Variants in SBF2 observed in about 807,000 individuals in gnomAD.
SBF2 encodes the protein SET binding factor 2.
A neutral mutation model predicts 225.2 loss-of-function variants in SBF2; 112 were observed. The ratio of observed to expected loss-of-function variants is 0.50; its 90% CI spans 0.43 to 0.58. SBF2 has a LOEUF of 0.58. SBF2 is among the 20% of genes least tolerant of loss of function. The pLI, the probability that SBF2 is intolerant of heterozygous loss-of-function variation, is 0.00. For missense variants in SBF2, 1,996 were observed against 2,206.2 expected (o/e 0.90, Z 1.91); for synonymous variants, 763 against 773.3 (o/e 0.99, Z 0.22).
intron 2 of SBF2, among the ~76,000 whole-genome samples, chr11:10,185,470 TA>T (rs1477026356): frequency 2.0e-5 from 3 of 152,196 alleles, no homozygotes; most frequent in Non-Finnish European, 4.4e-5. Flanking sequence ...GGGCTTTTTT[TA>T]GAGTTGGAAT....
At chr11:10,091,688 A>T (rs1224335186) in intron 2 of SBF2, among the ~76,000 whole-genome samples, 1 of 152,174 alleles carries the variant, frequency 6.6e-6, no homozygotes, top group Non-Finnish European at 1.5e-5. Context: ...CACTCCAAAA[A>T]GTATTGGCAT....
intron 2 of SBF2, among the ~76,000 whole-genome samples, chr11:10,140,750 G>T (rs895922965): frequency 6.6e-6 from 1 of 152,102 alleles, no homozygotes; most frequent in Non-Finnish European, 1.5e-5. Flanking sequence ...GAGCAGTCTT[G>T]TGGGACTGAG....
chr11:9,926,569 G>C (rs1864071611), intron 16 of SBF2, among the ~76,000 whole-genome samples: 2 of 152,086 alleles, frequency 1.3e-5, no homozygotes, highest in African/African-American at 2.4e-5. Context: ...ATAGAAGTTA[G>C]AAAGCATTAA....
At chr11:9,892,645 C>T (rs1033517654) in intron 17 of SBF2, among the ~76,000 whole-genome samples, 21 of 151,770 alleles carry the variant, frequency 1.4e-4, no homozygotes, top group African/African-American at 4.1e-4. Flanking sequence ...TGGCAACCTC[C>T]GCCTCCAAGG....
chr11:10,281,131 T>C lies in SBF2; in HGVS notation c.55+12884A>G, dbSNP rs1165739865. On this transcript the variant is annotated intron_variant, in intron 1 of 39. Coordinates refer to ENST00000256190, the MANE Select transcript of SBF2 (RefSeq NM_030962.4). ...AAACATGTAAGATTATAGCCTTTCA[T>C]GTCAAAATAAATAAATAATTTAAAA... Among the ~76,000 whole-genome samples the C allele has an allele frequency of 2.6e-5, 4 of 152,288 alleles. No homozygotes were observed. The East Asian group carries it at 7.7e-4, about 29-fold the overall frequency.
chr11:9,975,348 T>C (rs61877008), intron 13 of SBF2, among the ~76,000 whole-genome samples: 7,996 of 152,206 alleles, frequency 0.053, 337 homozygotes, highest in Non-Finnish European at 0.073. Context: ...AGCAACATGA[T>C]TGAATCTGAA....
intron 28 of SBF2, among the ~76,000 whole-genome samples, chr11:9,823,068 T>C (rs1463814729): frequency 6.6e-6 from 1 of 152,202 alleles, no homozygotes; most frequent in Non-Finnish European, 1.5e-5. Flanking sequence ...TTCTCAAATA[T>C]ACCCAGCTAT....
chr11:9,856,427 G>A (rs773934576), intron 19 of SBF2, 31 bp downstream of exon 19: 5 of 1,612,722 alleles, frequency 3.1e-6, no homozygotes, highest in African/African-American at 1.3e-5. Flanking sequence ...AGAAGAGTAG[G>A]AGGAGGGTCT....
At chr11:10,092,472 T>G (rs1951822792) in intron 2 of SBF2, among the ~76,000 whole-genome samples, 1 of 152,214 alleles carries the variant, frequency 6.6e-6, no homozygotes, top group South Asian at 2.1e-4. Context: ...AAACTTTGAC[T>G]TGCCTAAGAC....
intron 38 of SBF2, chr11:9,783,191 C>CT (rs1289349972): frequency 1.3e-5 from 2 of 152,156 alleles, no homozygotes; most frequent in Non-Finnish European, 2.9e-5. Flanking sequence ...CTTAATGGAA[C>CT]TTTTTTACAC....
chr11:9,802,495 A>G (rs368452780), intron 32 of SBF2, among the ~76,000 whole-genome samples: 187 of 152,362 alleles, frequency 1.2e-3, no homozygotes, highest in Non-Finnish European at 1.7e-3. Flanking sequence ...TTGGCATTCA[A>G]TGTTAGAAAT....
At chr11:9,803,471 T>TC (rs970682210) in intron 32 of SBF2, among the ~76,000 whole-genome samples, 9 of 151,266 alleles carry the variant, frequency 5.9e-5, no homozygotes, top group Non-Finnish European at 1.0e-4. Flanking sequence ...CTCCCACTCC[T>TC]CCCCCCCAGC....
rs764956946 is a variant in SBF2 at position 9,829,500 on chromosome 11, T to G, written c.3653-4A>C. On this transcript the variant is annotated splice_polypyrimidine_tract_variant and splice_region_variant and intron_variant, in intron 27 of 39. Coordinates refer to ENST00000256190, the MANE Select transcript of SBF2 (RefSeq NM_030962.4). The stretch of plus-strand genomic sequence containing the variant: ...GATTCTAAAGAGGAGGTAGGAGCTA[T>G]AAAAGGAAAATATATTGAATAAAAT... The G allele has an allele frequency of 1.9e-6, 3 of 1,600,722 alleles. No homozygotes were observed.
At chr11:10,022,673 AT>A (rs918639642) in intron 6 of SBF2, among the ~76,000 whole-genome samples, 4 of 151,256 alleles carry the variant, frequency 2.6e-5, no homozygotes, top group African/African-American at 7.3e-5. Flanking sequence ...CACTTTCCTG[AT>A]TTTTTTCTAT....
At position 9,858,298 on chromosome 11, in the gene SBF2, T is replaced by C. The variant is rs756023804; in HGVS notation, c.2028A>G (p.Ala676=). 1.2e-6 allele frequency: 2 copies of C among 1,614,198 alleles called. No individual in the cohort carries two copies. Among genetic ancestry groups the C allele is most frequent in the Middle Eastern group, 1.6e-4 (1 of 6,062 alleles). The change falls in exon 18 of 40, where the codon GCA becomes GCG. Residue 676 remains alanine (A), a synonymous_variant. Transcript: ENST00000256190. ...AAAGGGAGCGAACCTGTTCCTGCAC[T>C]GCATTGTAAAAGGTTGTCTCCCAAA... is the stretch of plus-strand genomic sequence containing the variant. The part of the protein sequence containing the change: ...QQFWETTFYN[A]VQEQVRSLYL...
intron 16 of SBF2, among the ~76,000 whole-genome samples, chr11:9,913,914 C>T (rs1014596806): frequency 1.3e-5 from 2 of 152,200 alleles, no homozygotes; most frequent in African/African-American, 2.4e-5. Context: ...GTTGCCCAGG[C>T]AGGTTTCTAA....
At chr11:10,235,934 G>A (rs1959054985) in intron 1 of SBF2, among the ~76,000 whole-genome samples, 1 of 152,108 alleles carries the variant, frequency 6.6e-6, no homozygotes, top group South Asian at 2.1e-4. Flanking sequence ...AGCCAGGTGT[G>A]GTGATTTGTG....
At chr11:9,909,669 CAAAAAA>C (rs10595029) in intron 16 of SBF2, among the ~76,000 whole-genome samples, 2 of 123,120 alleles carry the variant, frequency 1.6e-5, no homozygotes, top group African/African-American at 3.0e-5. Flanking sequence ...GACTCTGTCT[CAAAAAA>C]AAAAAAAAAA....
In SBF2 at chr11:9,850,153, C is replaced by T; in HGVS notation, c.2676G>A (p.Leu892=). 6.2e-7 allele frequency: 1 copy of T among 1,614,098 alleles called. No homozygotes were observed. Among genetic ancestry groups the T allele is most frequent in the Non-Finnish European group, 8.5e-7 (1 of 1,180,014 alleles). ...EEIVCEGLRV[L]LDPDGREEAT... ...CTTCTTCTCTTCCATCAGGATCCAG[C>T]AAGACTCGAAGACCCTCACAGACAA... The change falls in exon 22 of 40, where the codon TTG becomes TTA. Residue 892 remains leucine (L), a synonymous_variant. Transcript: ENST00000256190.
Sources: allele counts gnomAD v4.1 joint callset (sites outside exome capture counted in the v4.1 genomes callset), GRCh38; gene constraint gnomAD v4.1.1; transcripts MANE v1.5; gene names NCBI Gene and HGNC (gene_info 2026-07-23, HGNC 2026-07-21).